The following TOGARAM1 variants were observed in gnomAD, a reference collection of about 807,000 sequenced individuals.
TOGARAM1 encodes TOG array regulator of axonemal microtubules protein 1.
A neutral mutation model predicts 166.6 loss-of-function variants in TOGARAM1; 100 were observed. The observed-to-expected ratio is 0.60, with a 90% confidence interval of 0.51 to 0.71. The LOEUF is 0.71. Among genes scored for constraint, TOGARAM1 ranks in the 30% least tolerant of loss-of-function variants. The probability of loss-of-function intolerance (pLI) is 0.00; values close to 1 mark genes in which losing one functional copy is unlikely to be tolerated. For synonymous variants in TOGARAM1, 758 were observed against 763.8 expected (o/e 0.99, Z 0.13); for missense variants, 2,029 against 2,102.7 (o/e 0.96, Z 0.69).
At chr14:44,999,581 GTACTCA>G (rs1292558378) in intron 3 of TOGARAM1, 84 bp downstream of exon 3, 3 of 1,113,184 alleles carry the variant, frequency 2.7e-6, no homozygotes, top group Non-Finnish European at 2.5e-6. Context: ...GATATTTTGT[GTACTCA>G]TACTCATCAC....
intron 16 of TOGARAM1, among the ~76,000 whole-genome samples, chr14:45,058,822 C>A (rs749433911): frequency 2.6e-5 from 4 of 151,970 alleles, no homozygotes; most frequent in African/African-American, 4.8e-5. Flanking sequence ...TTATTTGTTT[C>A]TTTTTCTCTG....
intron 1 of TOGARAM1, among the ~76,000 whole-genome samples, chr14:44,974,825 T>C (rs956447271): frequency 3.3e-5 from 5 of 152,198 alleles, no homozygotes; most frequent in Non-Finnish European, 7.4e-5. Context: ...GTTCTGATGC[T>C]TGTTCTGTCT....
At chr14:45,016,491 C>G (rs918570910) in intron 7 of TOGARAM1, among the ~76,000 whole-genome samples, 3 of 152,196 alleles carry the variant, frequency 2.0e-5, no homozygotes, top group African/African-American at 7.2e-5. Context: ...ACCAACCTGA[C>G]CAACATGGTG....
chr14:45,004,213 T>A lies in TOGARAM1; in HGVS notation c.2491T>A (p.Ser831Thr), dbSNP rs151062820. ...ACCTCGAACTAGTCCAAAGCATACA[T>A]CTCCTCTTATTATATCTCCAAAGAA... The part of the protein sequence containing the change: ...SSPRTSPKHT[S>T]PLIISPKKSQ... Residue 831 changes from serine (S) to threonine (T), a missense_variant, in exon 4 of 20, where the codon TCT becomes ACT. Around this residue, in one of 2 missense-constraint regions of TOGARAM1, gnomAD observed 1,453 missense variants for 1,432.2 expected, o/e 1.01. Transcript: ENST00000361462. 2.1e-5 allele frequency: 34 copies of A among 1,613,952 alleles called. No homozygotes were observed. In the African/African-American group the frequency reaches 4.0e-4, roughly 19 times the overall value.
chr14:45,048,055 C>CA (rs1258401220), intron 14 of TOGARAM1, among the ~76,000 whole-genome samples: 4,939 of 87,894 alleles, frequency 0.056, 203 homozygotes, highest in East Asian at 0.21. Flanking sequence ...GACTCCATCT[C>CA]AAAAAAAAAA....
At chr14:45,044,161 CA>C (rs1881863623) in intron 12 of TOGARAM1, among the ~76,000 whole-genome samples, 1 of 152,012 alleles carries the variant, frequency 6.6e-6, no homozygotes, top group African/African-American at 2.4e-5. Flanking sequence ...AGGCACACAC[CA>C]CCACACCTGG....
chr14:45,026,278 T>G (rs946179188), intron 8 of TOGARAM1, among the ~76,000 whole-genome samples: 2 of 152,134 alleles, frequency 1.3e-5, no homozygotes, highest in Admixed American at 1.3e-4. Context: ...GTTATATATT[T>G]TAAGGGGGCT....
chr14:44,966,380 A>G (rs1449330977), intron 1 of TOGARAM1, among the ~76,000 whole-genome samples: 3 of 151,750 alleles, frequency 2.0e-5, no homozygotes, highest in Admixed American at 6.6e-5. Flanking sequence ...GGCTGAGGCA[A>G]AAGAATCACT....
intron 15 of TOGARAM1, 134 bp downstream of exon 15, chr14:45,052,696 A>G (rs1594695238): frequency 1.3e-6 from 1 of 758,770 alleles, no homozygotes. Flanking sequence ...TATATCTGCA[A>G]TAGCATTTCA....
rs139355471 is a variant in TOGARAM1, at chr14:44,972,461, T to A, written c.2046+7994T>A. On this transcript the variant is annotated intron_variant, in intron 1 of 19. Transcript: ENST00000361462. Reference sequence around the variant, plus strand: ...CCTGCTGGATCTGTCCATTTCTGATTGAGGGGTAATTAAGTCTCCAACTAT... The same window carrying A: ...CCTGCTGGATCTGTCCATTTCTGATAGAGGGGTAATTAAGTCTCCAACTAT... 2.4e-4 allele frequency among the ~76,000 whole-genome samples: 36 copies of A among 152,264 alleles called. No individual in the cohort carries two copies. The East Asian group carries it at 7.0e-3, about 29-fold the overall frequency.
At chr14:45,018,289 G>C (rs1880278293) in intron 7 of TOGARAM1, among the ~76,000 whole-genome samples, 1 of 151,902 alleles carries the variant, frequency 6.6e-6, no homozygotes, top group African/African-American at 2.4e-5. Context: ...GCTCAGGCTA[G>C]AGAGCAGTGG....
intron 2 of TOGARAM1, chr14:44,997,468 T>G (rs1285725284): frequency 6.8e-6 from 1 of 146,680 alleles, no homozygotes; most frequent in Non-Finnish European, 1.5e-5. Context: ...AGCGGTAAAG[T>G]TGATATAGTT....
chr14:44,964,955 A>AGT, intron 1 of TOGARAM1, among the ~76,000 whole-genome samples: 1 of 148,924 alleles, frequency 6.7e-6, no homozygotes, highest in African/African-American at 2.5e-5. Flanking sequence ...GAAAAGTAAA[A>AGT]AAAAAAAAAA....
chr14:45,020,519 G>A (rs1321196708), intron 7 of TOGARAM1, among the ~76,000 whole-genome samples: 1 of 152,216 alleles, frequency 6.6e-6, no homozygotes, highest in Non-Finnish European at 1.5e-5. Flanking sequence ...TAGCATTCCT[G>A]CTCGGATAAC....
chr14:44,993,736 T>C (rs746906896), intron 1 of TOGARAM1, among the ~76,000 whole-genome samples: 1 of 152,206 alleles, frequency 6.6e-6, no homozygotes, highest in Non-Finnish European at 1.5e-5. Context: ...CAAAACTTAA[T>C]CTCTGCCTGA....
chr14:45,037,221 C>T (rs1484434943), intron 11 of TOGARAM1, among the ~76,000 whole-genome samples: 1 of 152,224 alleles, frequency 6.6e-6, no homozygotes, highest in Admixed American at 6.5e-5. Flanking sequence ...CAACATGTAG[C>T]TTACTTCTTC....
Position 45,074,067 on chromosome 14 carries a change from G to A in TOGARAM1, c.*506G>A, listed in dbSNP as rs139939386. The A allele has an allele frequency of 6.5e-6, 1 of 152,846 alleles. No homozygotes were observed. The highest frequency in any genetic ancestry group is 1.9e-4 in the East Asian group (1 of 5,192). 9.5% of individuals were successfully genotyped at this position (152,846 alleles called of 1,614,324 possible). A position where few individuals can be genotyped will look rare whatever the true frequency, so the allele number is the denominator to read the frequency against. On this transcript the variant is annotated 3_prime_UTR_variant, in exon 20 of 20. Transcript: ENST00000361462. ...TAATATGATTGTGCAGTATTAGCTTGCTTTTGCTGCTGTGTTAATGTCATA... is the reference window on the plus strand; with the variant it reads ...TAATATGATTGTGCAGTATTAGCTTACTTTTGCTGCTGTGTTAATGTCATA...
chr14:45,008,376 C>T (rs565345210), intron 5 of TOGARAM1, among the ~76,000 whole-genome samples: 1 of 151,966 alleles, frequency 6.6e-6, no homozygotes, highest in South Asian at 2.1e-4. Context: ...ATAGCTAAGA[C>T]TGCACGTGTC....
rs1242109988 is a variant in TOGARAM1, at chr14:45,073,453, C to T, written c.5214C>T (p.Leu1738=). Residue 1738 remains leucine, a synonymous_variant, in exon 20 of 20, where the codon CTC becomes CTT. Coordinates refer to ENST00000361462, the MANE Select transcript of TOGARAM1 (RefSeq NM_001308120.2). ...CCACAGCTAAATTATCAAAAGCACT[C>T]TTTGCACAGATGGGTCAGAATCTGT... is the stretch of plus-strand genomic sequence containing the variant. ...RTATAKLSKA[L]FAQMGQNLLN... is the part of the protein sequence containing the mutation. The T allele has an allele frequency of 6.2e-7, 1 of 1,614,056 alleles. No homozygotes were observed. The highest frequency in any genetic ancestry group is 1.3e-5 in the African/African-American group (1 of 74,936).
Sources: gnomAD v4.1 joint callset for allele counts (sites outside exome capture counted in the v4.1 genomes callset) on GRCh38, gnomAD v4.1.1 for gene constraint, gnomAD v4.1.1 regional missense constraint, MANE v1.5 for transcripts, NCBI Gene and HGNC (gene_info 2026-07-23, HGNC 2026-07-21) for gene names.